The following BRWD3 variants were observed in gnomAD, a reference collection of about 807,000 sequenced individuals.
BRWD3 encodes bromodomain and WD repeat-containing protein 3.
In BRWD3, 10 loss-of-function variants were observed where a neutral mutation model predicts 149.7. The observed-to-expected ratio is 0.07, with a 90% CI of 0.04 to 0.11. The LOEUF is 0.11. Among genes scored for constraint, BRWD3 ranks in the 10% least tolerant of loss-of-function variants. The pLI is 1.00. For missense variants in BRWD3, 940 were observed against 1,373.2 expected, an observed-to-expected ratio of 0.68 and a Z score of 4.99; for synonymous variants, 504 against 456.7, an observed-to-expected ratio of 1.10 and a Z score of -1.32.
At chrX:80,745,133 T>C (rs2073572397) in intron 7 of BRWD3, among the ~76,000 whole-genome samples, 1 of 111,183 alleles carries the variant, frequency 9.0e-6, no homozygotes, top group African/African-American at 3.3e-5. Context: ...AAAAAAAAGA[T>C]ATAAAAAATA....
intron 6 of BRWD3, among the ~76,000 whole-genome samples, chrX:80,782,339 C>T (rs1037318615): frequency 1.8e-5 from 2 of 111,151 alleles, no homozygotes; most frequent in Non-Finnish European, 3.8e-5. Flanking sequence ...CTATCTCTCG[C>T]CATATACAAG....
chrX:80,748,212 C>A (rs993004615), intron 6 of BRWD3, among the ~76,000 whole-genome samples: 1 of 111,237 alleles, frequency 9.0e-6, no homozygotes, highest in Non-Finnish European at 1.9e-5. Context: ...TTGTCAAATA[C>A]TATTTCTGCA....
At chrX:80,791,484 T>A (rs2074181726) in intron 6 of BRWD3, among the ~76,000 whole-genome samples, 1 of 111,607 alleles carries the variant, frequency 9.0e-6, no homozygotes, top group African/African-American at 3.3e-5. Context: ...TAAAAATGTA[T>A]AACATCATTA....
intron 21 of BRWD3, 91 bp from the exon 22 acceptor site, chrX:80,707,594 T>G: frequency 1.1e-6 from 1 of 871,913 alleles, no homozygotes; most frequent in East Asian, 3.4e-5. Context: ...ATAGCATTTT[T>G]TTGAATTCTG....
intron 6 of BRWD3, among the ~76,000 whole-genome samples, chrX:80,773,334 T>G (rs773785838): frequency 9.0e-6 from 1 of 111,366 alleles, no homozygotes; most frequent in East Asian, 2.8e-4. Flanking sequence ...TTTCTGCTAT[T>G]CCTTTAGCCT....
chrX:80,685,311 C>CA (rs1407455424), intron 36 of BRWD3, 151 bp downstream of exon 36: 11 of 485,358 alleles, frequency 2.3e-5, no homozygotes, highest in East Asian at 7.6e-5. Context: ...GAAAGAGGAA[C>CA]AAAAAAATAA....
intron 6 of BRWD3, among the ~76,000 whole-genome samples, chrX:80,774,245 T>TTTTTTTTA (rs1434677298): frequency 9.0e-6 from 1 of 110,600 alleles, no homozygotes; most frequent in South Asian, 3.8e-4. Flanking sequence ...TTCCTTCAGA[T>TTTTTTTTA]TTTTTTTATT....
At chrX:80,698,168 G>C (rs1472814232) in intron 25 of BRWD3, among the ~76,000 whole-genome samples, 1 of 111,160 alleles carries the variant, frequency 9.0e-6, no homozygotes, top group Non-Finnish European at 1.9e-5. Flanking sequence ...TTGTTTTTTT[G>C]CTTGTTGATT....
intron 31 of BRWD3, among the ~76,000 whole-genome samples, 178 bp downstream of exon 31, chrX:80,690,875 A>C (rs762246697): frequency 1.8e-5 from 2 of 111,521 alleles, no homozygotes; most frequent in African/African-American, 6.5e-5. Flanking sequence ...TTTCTTCTCT[A>C]TCCCCAAGAG....
intron 20 of BRWD3, chrX:80,710,780 A>G (rs2072952754): frequency 2.3e-6 from 1 of 428,191 alleles, no homozygotes; most frequent in African/African-American, 2.4e-5. Flanking sequence ...GATACTAATC[A>G]TCAGTAGAAT....
At chrX:80,716,007 T>C in intron 20 of BRWD3, 150 bp downstream of exon 20, 1 of 440,743 alleles carries the variant, frequency 2.3e-6, no homozygotes, top group Non-Finnish European at 3.9e-6. Context: ...AATAATCATA[T>C]ATCTCAATTT....
intron 25 of BRWD3, among the ~76,000 whole-genome samples, chrX:80,698,430 C>T (rs748966948): frequency 4.5e-5 from 5 of 111,515 alleles, no homozygotes; most frequent in Admixed American, 9.6e-5. Flanking sequence ...AGAACTTGGC[C>T]GGGTGAGGTA....
At chrX:80,727,386 C>T (rs760186891) in intron 14 of BRWD3, among the ~76,000 whole-genome samples, 31 of 110,922 alleles carry the variant, frequency 2.8e-4, no homozygotes, top group Non-Finnish European at 3.8e-4. Context: ...CTAGTCTGGC[C>T]CCTGTCCACT....
At chrX:80,688,292 T>C (rs1158845277) in intron 33 of BRWD3, among the ~76,000 whole-genome samples, 167 bp from the exon 34 acceptor site, 2 of 111,359 alleles carry the variant, frequency 1.8e-5, no homozygotes, top group Admixed American at 9.6e-5. Flanking sequence ...ACTTTCCCAA[T>C]ATGCAGTGTA....
At chrX:80,754,600 T>C (rs2073714170) in intron 6 of BRWD3, among the ~76,000 whole-genome samples, 1 of 112,253 alleles carries the variant, frequency 8.9e-6, no homozygotes, top group Admixed American at 9.4e-5. Context: ...AGAAGAAATG[T>C]TTTCAGCTTT....
chrX:80,762,567 G>C (rs773400385), intron 6 of BRWD3, among the ~76,000 whole-genome samples: 12 of 110,017 alleles, frequency 1.1e-4, no homozygotes, highest in Non-Finnish European at 1.5e-4. Context: ...GTATGTGTTG[G>C]GGGGGTGGGG....
chrX:80,807,800 T>A (rs2074363045), intron 4 of BRWD3, among the ~76,000 whole-genome samples: 1 of 111,701 alleles, frequency 9.0e-6, no homozygotes, highest in African/African-American at 3.3e-5. Context: ...CCCAAAATCG[T>A]GTTTCACCAA....
intron 6 of BRWD3, among the ~76,000 whole-genome samples, chrX:80,752,214 A>G (rs1418852909): frequency 7.4e-5 from 8 of 108,827 alleles, no homozygotes; most frequent in South Asian, 8.0e-4. Flanking sequence ...GGGTCTCTCT[A>G]TGTTGCCCAG....
In BRWD3 at chrX:80,704,673, C is replaced by T; in HGVS notation, c.2721+5G>A. 1 of 1,208,006 alleles carries T rather than the reference C, an allele frequency of 8.3e-7. No individual in the cohort carries two copies. Among genetic ancestry groups the T allele is most frequent in the Non-Finnish European group, 1.1e-6 (1 of 893,368 alleles). On this transcript the variant is annotated splice_donor_5th_base_variant and intron_variant, in intron 23 of 40. Transcript: ENST00000373275. ...AAAAACAAAATAACTTATAAAGTTACAAACCTTCTTTCTAGTCTGCTTAGG... is the reference window on the plus strand; with the variant it reads ...AAAAACAAAATAACTTATAAAGTTATAAACCTTCTTTCTAGTCTGCTTAGG...
Sources: allele counts gnomAD v4.1 joint callset (sites outside exome capture counted in the v4.1 genomes callset), GRCh38; gene constraint gnomAD v4.1.1; transcripts MANE v1.5; gene names NCBI Gene and HGNC (gene_info 2026-07-23, HGNC 2026-07-21).